Variants in NCOA7 observed in about 807,000 individuals in gnomAD.
NCOA7 encodes the protein nuclear receptor coactivator 7.
NCOA7 carries 45 observed loss-of-function variants against 104.3 expected under a neutral mutation model. That is an observed-to-expected ratio of 0.43 (90% CI 0.34 to 0.55). The LOEUF is 0.55. Among genes scored for constraint, NCOA7 ranks in the 20% least tolerant of loss-of-function variants. NCOA7 has a pLI of 0.02. For synonymous variants in NCOA7, 398 were observed against 402.3 expected (o/e 0.99, Z 0.13); for missense variants, 1,041 against 1,119.7 (o/e 0.93, Z 1.00).
intron 2 of NCOA7, among the ~76,000 whole-genome samples, chr6:125,829,977 A>G (rs1425177694): frequency 6.6e-6 from 1 of 152,200 alleles, no homozygotes; most frequent in Non-Finnish European, 1.5e-5. Flanking sequence ...CGTGTGGGCT[A>G]CCATGCTAGG....
chr6:125,876,780 G>A (rs1442644346), intron 4 of NCOA7, among the ~76,000 whole-genome samples: 2 of 152,050 alleles, frequency 1.3e-5, no homozygotes, highest in African/African-American at 4.8e-5. Context: ...TGTTTAAAGA[G>A]CCTGCTAGCA....
chr6:125,839,173 A>G (rs1480396929), intron 2 of NCOA7, among the ~76,000 whole-genome samples: 2 of 152,164 alleles, frequency 1.3e-5, no homozygotes, highest in Admixed American at 6.5e-5. Context: ...GCTAGAGTGC[A>G]GTGGAGCAAT....
intron 10 of NCOA7, among the ~76,000 whole-genome samples, chr6:125,891,576 A>C (rs548532857): frequency 6.6e-6 from 1 of 152,328 alleles, no homozygotes; most frequent in East Asian, 1.9e-4. Context: ...AAACATCATC[A>C]TCTAGCCAGA....
Position 125,928,724 on chromosome 6 carries a change from A to G in NCOA7, c.2782A>G (p.Lys928Glu), listed in dbSNP as rs763757441. Residue 928 changes from lysine to glutamate, a missense_variant, in exon 16 of 16, where the codon AAG (lysine) becomes GAG (glutamate). Physicochemically the swap from Lys to Glu is moderately conservative, Grantham distance 56 (BLOSUM62 1). This residue lies in a region of NCOA7 where 127 missense variants were observed against 177.0 expected (regional missense o/e 0.72). Coordinates refer to ENST00000392477, the MANE Select transcript of NCOA7 (RefSeq NM_181782.5). ...STFNNDILSK[K>E]EDFIVQDLEV... ...TTTCAATAATGATATTCTTTCCAAA[A>G]AGGAAGACTTCATAGTTCAGGATCT... 16 of 1,613,918 alleles carry G rather than the reference A, an allele frequency of 9.9e-6. No homozygotes were observed. The Admixed American group carries it at 1.0e-4, about 10-fold the overall frequency.
chr6:125,795,850 T>TA (rs1192750609), intron 1 of NCOA7, among the ~76,000 whole-genome samples: 3 of 152,144 alleles, frequency 2.0e-5, no homozygotes, highest in Admixed American at 6.5e-5. Context: ...CATAGACCCA[T>TA]AAAAAACCTG....
chr6:125,869,194 A>C (rs1305515797), intron 3 of NCOA7, among the ~76,000 whole-genome samples: 11 of 152,182 alleles, frequency 7.2e-5, no homozygotes, highest in African/African-American at 1.9e-4. Flanking sequence ...GAGTTCACCC[A>C]GTCCCCAGGG....
At chr6:125,861,780 T>C (rs1448439671) in intron 3 of NCOA7, among the ~76,000 whole-genome samples, 1 of 152,194 alleles carries the variant, frequency 6.6e-6, no homozygotes, top group Non-Finnish European at 1.5e-5. Flanking sequence ...CTCACGCCTA[T>C]AATCCCAGCA....
At chr6:125,858,581 A>C (rs147120233) in intron 3 of NCOA7, among the ~76,000 whole-genome samples, 1 of 152,008 alleles carries the variant, frequency 6.6e-6, no homozygotes, top group African/African-American at 2.4e-5. Flanking sequence ...AAGGTGCACA[A>C]ATCTACTGCA....
intron 11 of NCOA7, chr6:125,919,535 T>G: frequency 8.8e-7 from 1 of 1,130,640 alleles, no homozygotes; most frequent in Non-Finnish European, 1.3e-6. Context: ...AGGATTGTGC[T>G]GACATTTCTA....
intron 11 of NCOA7, among the ~76,000 whole-genome samples, chr6:125,915,927 T>C (rs1286357920): frequency 6.6e-6 from 1 of 152,248 alleles, no homozygotes; most frequent in Non-Finnish European, 1.5e-5. Context: ...AATATTGTTA[T>C]TAATTTTTAT....
chr6:125,876,673 T>C (rs1342761046), intron 4 of NCOA7, among the ~76,000 whole-genome samples: 1 of 152,156 alleles, frequency 6.6e-6, no homozygotes, highest in East Asian at 1.9e-4. Context: ...AATGCAGGTA[T>C]GCCTACCTCT....
At chr6:125,873,561 C>G (rs1350147931) in intron 3 of NCOA7, among the ~76,000 whole-genome samples, 1 of 152,170 alleles carries the variant, frequency 6.6e-6, no homozygotes, top group Non-Finnish European at 1.5e-5. Flanking sequence ...GCTTTATTTA[C>G]CCTCTAGCTC....
chr6:125,847,862 C>A (rs1399172808), intron 2 of NCOA7, among the ~76,000 whole-genome samples: 3 of 152,168 alleles, frequency 2.0e-5, no homozygotes, highest in Admixed American at 6.6e-5. Flanking sequence ...TCAGAGTGAA[C>A]AGGAAACCTA....
intron 10 of NCOA7, among the ~76,000 whole-genome samples, chr6:125,911,968 C>G (rs771251529): frequency 1.3e-5 from 2 of 152,220 alleles, no homozygotes; most frequent in African/African-American, 4.8e-5. Flanking sequence ...AGCTAGGAGG[C>G]ATGCCGTTGC....
At chr6:125,805,780 C>A (rs940065383) in intron 1 of NCOA7, among the ~76,000 whole-genome samples, 6 of 152,042 alleles carry the variant, frequency 3.9e-5, no homozygotes, top group Non-Finnish European at 7.4e-5. Context: ...CTATTTGGGG[C>A]GGATTTGAAT....
chr6:125,882,498 C>G lies in NCOA7; in HGVS notation c.646C>G (p.Pro216Ala). 6.2e-7 allele frequency: 1 copy of G among 1,613,504 alleles called. No homozygotes were observed. The highest frequency in any genetic ancestry group is 8.5e-7 in the Non-Finnish European group (1 of 1,179,706). Residue 216 changes from proline to alanine, a missense_variant, in exon 7 of 16, where the codon CCA becomes GCA. This residue lies in a region of NCOA7 where 914 missense variants were observed against 942.7 expected (regional missense o/e 0.97). Coordinates refer to ENST00000392477, the MANE Select transcript of NCOA7 (RefSeq NM_181782.5). ...ATCGTCTACTTCTGAAGAAGATGAG[C>G]CAGGTGTGGTGAAATTTTTAAAAAT... ...VLSSTSEEDE[P>A]GVVKFLKMNC...
At chr6:125,845,092 T>C (rs1445437652) in intron 2 of NCOA7, among the ~76,000 whole-genome samples, 1 of 152,170 alleles carries the variant, frequency 6.6e-6, no homozygotes, top group African/African-American at 2.4e-5. Flanking sequence ...CAAACGTTTC[T>C]GCCCAAAGAC....
upstream of NCOA7, chr6:125,790,908 T>A (rs1050410792): frequency 6.6e-6 from 1 of 152,430 alleles, no homozygotes; most frequent in Non-Finnish European, 1.5e-5. Flanking sequence ...CGCCTCCTCC[T>A]CTTGCTCCTC....
rs893589955 is a variant in NCOA7, at chr6:125,863,287, T to C, written c.271+8047T>C. Reference sequence around the variant, plus strand: ...CCAGCACTCTAATTAACACAATATTTTGTAACCCATTCTTGTCATTGTTGA... The same window carrying C: ...CCAGCACTCTAATTAACACAATATTCTGTAACCCATTCTTGTCATTGTTGA... On this transcript the variant is annotated intron_variant, in intron 3 of 15. Transcript: ENST00000392477. 6.5e-5 allele frequency among the ~76,000 whole-genome samples: 9 copies of C among 138,218 alleles called. 2 individuals carry two copies. Among genetic ancestry groups the C allele is most frequent in the African/African-American group, 2.7e-4 (9 of 33,178 alleles). The allele number at this position is 138,218 out of a possible 152,430, so 90.7% of individuals were successfully genotyped here.
Sources: gnomAD v4.1 joint callset for allele counts (sites outside exome capture counted in the v4.1 genomes callset) on GRCh38, gnomAD v4.1.1 for gene constraint, gnomAD v4.1.1 regional missense constraint, MANE v1.5 for transcripts, NCBI Gene and HGNC (gene_info 2026-07-23, HGNC 2026-07-21) for gene names.